WDTC1: variants seen among roughly 807,000 people sequenced by gnomAD.
WDTC1 encodes the protein WD and tetratricopeptide repeats 1, also known as WD and tetratricopeptide repeats protein 1.
Under a neutral mutation model 76.0 loss-of-function variants are expected in WDTC1, and 12 were observed. The ratio of observed to expected loss-of-function variants is 0.16; its 90% CI spans 0.10 to 0.26. WDTC1 has a LOEUF of 0.26. WDTC1 is among the 10% of genes least tolerant of loss of function. The probability of loss-of-function intolerance (pLI) is 1.00; values close to 1 mark genes in which losing one functional copy is unlikely to be tolerated. For missense variants in WDTC1, 511 were observed against 908.8 expected (o/e 0.56, Z 5.63); for synonymous variants, 326 against 350.8 (o/e 0.93, Z 0.79).
chr1:27,282,397 A>G, intron 4 of WDTC1, 112 bp downstream of exon 4: 1 of 1,023,574 alleles, frequency 9.8e-7, no homozygotes, highest in Admixed American at 2.3e-5. Flanking sequence ...AAATGAAAAG[A>G]GACTGCTGCT....
chr1:27,246,166 C>T (rs2011822000), intron 1 of WDTC1, among the ~76,000 whole-genome samples: 1 of 152,176 alleles, frequency 6.6e-6, no homozygotes, highest in South Asian at 2.1e-4. Context: ...CAAAGTTGTG[C>T]AACTTGTCAC....
rs899252448 is a variant in WDTC1 at position 27,260,948 on chromosome 1, T to C, written c.-99-8T>C. ...ATCCTCCAAAGTTTGATGATTTTTTTCCCCCAGGTAATTAAATGTGTATTT... is the reference window on the plus strand; with the variant it reads ...ATCCTCCAAAGTTTGATGATTTTTTCCCCCCAGGTAATTAAATGTGTATTT... On this transcript the variant is annotated splice_region_variant and splice_polypyrimidine_tract_variant and intron_variant, in intron 1 of 15. Transcript: ENST00000319394. The C allele has an allele frequency of 2.4e-5, 30 of 1,261,780 alleles. No individual in the cohort carries two copies. The highest frequency in any genetic ancestry group is 1.7e-4 in the East Asian group (7 of 41,608). The allele number at this position is 1,261,780 out of a possible 1,614,324, so 78.2% of individuals were successfully genotyped here. A position where few individuals can be genotyped will look rare whatever the true frequency, so the allele number is the denominator to read the frequency against.
chr1:27,271,861 T>C (rs564472182), intron 3 of WDTC1, among the ~76,000 whole-genome samples: 1 of 149,174 alleles, frequency 6.7e-6, no homozygotes, highest in Non-Finnish European at 1.5e-5. Context: ...GGTCTCGAAC[T>C]CCCGGCCTCA....
At chr1:27,291,259 T>G (rs1047160214) in intron 6 of WDTC1, among the ~76,000 whole-genome samples, 3 of 152,194 alleles carry the variant, frequency 2.0e-5, no homozygotes, top group Non-Finnish European at 2.9e-5. Context: ...TGACCCACAT[T>G]TAGAAAACTG....
intron 1 of WDTC1, among the ~76,000 whole-genome samples, chr1:27,241,439 C>T (rs974570737): frequency 1.3e-5 from 2 of 152,164 alleles, no homozygotes; most frequent in African/African-American, 4.8e-5. Context: ...CATTCATGGT[C>T]AGGGAGCTTC....
chr1:27,304,915 C>A, intron 14 of WDTC1, 86 bp from the exon 15 acceptor site: 1 of 1,379,728 alleles, frequency 7.2e-7, no homozygotes, highest in Non-Finnish European at 9.7e-7. Flanking sequence ...CTTCCTTGCT[C>A]CCCCTTTACC....
At chr1:27,268,373 T>C (rs1158631996) in intron 3 of WDTC1, among the ~76,000 whole-genome samples, 1 of 149,516 alleles carries the variant, frequency 6.7e-6, no homozygotes, top group Non-Finnish European at 1.5e-5. Context: ...CAAGATACTT[T>C]TTTTTTTAAT....
intron 10 of WDTC1, 23 bp from the exon 11 acceptor site, chr1:27,297,025 A>C (rs765991583): frequency 6.2e-7 from 1 of 1,611,674 alleles, no homozygotes; most frequent in South Asian, 1.1e-5. Flanking sequence ...TGTTGCTGTC[A>C]CTTTCTCACT....
At position 27,292,269 on chromosome 1, in the gene WDTC1, A is replaced by C; in HGVS notation, c.534A>C (p.Thr178=). Residue 178 remains threonine, a synonymous_variant, in exon 7 of 16, where the codon ACA becomes ACC. Transcript: ENST00000319394. ...ACTCGGAGGTGCTGATTGACCTGAC[A>C]GAGTACTGTGGCCAGCTGGTGGAGG... ...SKHSEVLIDL[T]EYCGQLVEAK... is the part of the protein sequence containing the mutation. 3 of 1,612,778 alleles carry C rather than the reference A, an allele frequency of 1.9e-6. No individual in the cohort carries two copies. The highest frequency in any genetic ancestry group is 2.5e-6 in the Non-Finnish European group (3 of 1,179,388).
In WDTC1 at chr1:27,303,905, C is replaced by A; in HGVS notation, c.1643+110C>A. On this transcript the variant is annotated intron_variant, in intron 14 of 15. Coordinates refer to ENST00000319394, the MANE Select transcript of WDTC1 (RefSeq NM_001276252.2). The surrounding 1 kb of genome is among the most constrained non-coding windows in gnomAD (Gnocchi z 4.8). ...AGAATCTCAAATCCCTGCTCTGCCT[C>A]TGTACCCTTGGGCAAATGGCTTCAC... 1 of 1,455,980 alleles carries A rather than the reference C, an allele frequency of 6.9e-7. No individual in the cohort carries two copies. Among genetic ancestry groups the A allele is most frequent in the Non-Finnish European group, 9.4e-7 (1 of 1,068,324 alleles). The allele number at this position is 1,455,980 out of a possible 1,614,324, so 90.2% of individuals were successfully genotyped here. A position where few individuals can be genotyped will look rare whatever the true frequency, so the allele number is the denominator to read the frequency against.
chr1:27,279,256 G>A (rs995135556), intron 3 of WDTC1, among the ~76,000 whole-genome samples: 5 of 151,532 alleles, frequency 3.3e-5, no homozygotes, highest in African/African-American at 4.9e-5. Flanking sequence ...AATTAAGGCC[G>A]GACACAGTGG....
At chr1:27,262,972 C>T (rs1050738287) in intron 2 of WDTC1, among the ~76,000 whole-genome samples, 180 bp from the exon 3 acceptor site, 1 of 151,646 alleles carries the variant, frequency 6.6e-6, no homozygotes, top group Non-Finnish European at 1.5e-5. Context: ...TAATTATATA[C>T]TACTGTCTTC....
chr1:27,272,161 G>A (rs1019174515), intron 3 of WDTC1, among the ~76,000 whole-genome samples: 4 of 151,918 alleles, frequency 2.6e-5, no homozygotes, highest in African/African-American at 7.2e-5. Flanking sequence ...CAGGAGAATC[G>A]CTTGAACCCG....
chr1:27,289,954 C>A (rs533037728), intron 6 of WDTC1, among the ~76,000 whole-genome samples: 1 of 150,188 alleles, frequency 6.7e-6, no homozygotes, highest in Admixed American at 6.7e-5. Context: ...AGCTTCGGCT[C>A]GGCATCAGAG....
At chr1:27,293,840 G>C (rs1019581830) in intron 7 of WDTC1, among the ~76,000 whole-genome samples, 182 bp from the exon 8 acceptor site, 1 of 152,186 alleles carries the variant, frequency 6.6e-6, no homozygotes, top group Non-Finnish European at 1.5e-5. Context: ...ACCTGGTAAA[G>C]CACTGTAATG....
intron 3 of WDTC1, among the ~76,000 whole-genome samples, chr1:27,281,494 T>C (rs1464764850): frequency 6.6e-6 from 1 of 152,020 alleles, no homozygotes; most frequent in Non-Finnish European, 1.5e-5. Context: ...TTCTAGTTAA[T>C]TGGCTGTCCT....
chr1:27,246,541 T>C (rs531346361), intron 1 of WDTC1, among the ~76,000 whole-genome samples: 1 of 152,266 alleles, frequency 6.6e-6, no homozygotes, highest in South Asian at 2.1e-4. Flanking sequence ...CATGTACAGC[T>C]TTTTGTATGG....
chr1:27,245,561 T>G (rs997061573), intron 1 of WDTC1, among the ~76,000 whole-genome samples: 1 of 145,368 alleles, frequency 6.9e-6, no homozygotes, highest in Non-Finnish European at 1.5e-5. Context: ...TTTTTTTGGT[T>G]TTTTTTTTTT....
intron 13 of WDTC1, among the ~76,000 whole-genome samples, chr1:27,302,191 A>G (rs2013848358): frequency 1.3e-5 from 2 of 152,234 alleles, no homozygotes; most frequent in South Asian, 4.1e-4. Flanking sequence ...GCCATGTGCC[A>G]GGCACTGTGC....
Sources: allele counts gnomAD v4.1 joint callset (sites outside exome capture counted in the v4.1 genomes callset), GRCh38; gene constraint gnomAD v4.1.1; non-coding constraint Gnocchi (gnomAD v3.1); transcripts MANE v1.5; gene names NCBI Gene and HGNC (gene_info 2026-07-23, HGNC 2026-07-21).